PDGFD: variants seen among roughly 807,000 people sequenced by gnomAD.
The protein encoded by PDGFD is platelet derived growth factor D, also known as platelet-derived growth factor D.
A neutral mutation model predicts 44.7 loss-of-function variants in PDGFD; 30 were observed. The observed-to-expected ratio is 0.67, with a 90% confidence interval of 0.50 to 0.91. The LOEUF is 0.91. Among genes scored for constraint, PDGFD ranks in the 40% least tolerant of loss-of-function variants. PDGFD has a pLI of 0.00. For missense variants in PDGFD, 445 were observed against 457.8 expected (o/e 0.97, Z 0.25); for synonymous variants, 173 against 168.4 (o/e 1.03, Z -0.21).
chr11:104,141,629 G>A (rs1338762460), intron 1 of PDGFD, among the ~76,000 whole-genome samples: 2 of 152,264 alleles, frequency 1.3e-5, no homozygotes, highest in South Asian at 2.1e-4. Flanking sequence ...TCAAGGTCTT[G>A]TGAGGAAGAG....
chr11:104,010,749 A>G (rs1286706915), intron 1 of PDGFD, among the ~76,000 whole-genome samples: 1 of 152,072 alleles, frequency 6.6e-6, no homozygotes, highest in East Asian at 1.9e-4. Context: ...TTGTGTTGCG[A>G]TATTGCCACT....
At chr11:104,009,528 A>C (rs902005346) in intron 1 of PDGFD, among the ~76,000 whole-genome samples, 1 of 151,960 alleles carries the variant, frequency 6.6e-6, no homozygotes, top group Non-Finnish European at 1.5e-5. Flanking sequence ...AAGTGTCCTA[A>C]GATGCAAAAC....
intron 1 of PDGFD, among the ~76,000 whole-genome samples, chr11:104,161,977 G>A (rs1034519083): frequency 7.4e-4 from 113 of 151,742 alleles, no homozygotes; most frequent in African/African-American, 2.6e-3. Flanking sequence ...GTGTGTGTGT[G>A]TGTACTGTTA....
At chr11:103,954,450 G>A (rs1022681586) in intron 3 of PDGFD, among the ~76,000 whole-genome samples, 1 of 152,312 alleles carries the variant, frequency 6.6e-6, no homozygotes, top group South Asian at 2.1e-4. Flanking sequence ...CACGGAGGGT[G>A]GCTGTTCATT....
intron 5 of PDGFD, among the ~76,000 whole-genome samples, chr11:103,932,452 T>A (rs1858418628): frequency 6.6e-6 from 1 of 152,212 alleles, no homozygotes; most frequent in Non-Finnish European, 1.5e-5. Flanking sequence ...TTAACTATAT[T>A]TTCCAATTAC....
chr11:104,144,877 G>T (rs1280288613), intron 1 of PDGFD, among the ~76,000 whole-genome samples: 2 of 152,140 alleles, frequency 1.3e-5, no homozygotes, highest in Non-Finnish European at 2.9e-5. Context: ...GCCTTCCAGA[G>T]CTAAAATTTA....
At position 103,957,109 on chromosome 11, in the gene PDGFD, T is replaced by C. The variant is rs565967953; in HGVS notation, c.511-9385A>G. On this transcript the variant is annotated intron_variant, in intron 3 of 6. Coordinates refer to ENST00000393158, the MANE Select transcript of PDGFD (RefSeq NM_025208.5). ...TGGCTTTTGTTGCCATTGCTTTTGG[T>C]GTTTTAGACATGAAGTCCTTGCCCA... Among the ~76,000 whole-genome samples, 91 of 152,284 alleles carry C rather than the reference T, an allele frequency of 6.0e-4. 1 individual carries two copies. The Middle Eastern group carries it at 0.02, about 34-fold the overall frequency.
At chr11:104,094,039 A>T (rs548652576) in intron 1 of PDGFD, among the ~76,000 whole-genome samples, 103 of 151,830 alleles carry the variant, frequency 6.8e-4, no homozygotes, top group Middle Eastern at 6.8e-3. Context: ...CTCTTGCTTC[A>T]GCCTCCGCCA....
intron 1 of PDGFD, among the ~76,000 whole-genome samples, chr11:104,115,402 ATAAG>A (rs556188482): frequency 9.3e-5 from 14 of 151,234 alleles, no homozygotes; most frequent in Non-Finnish European, 1.6e-4. Context: ...AATATTATTA[ATAAG>A]TAATAGCATT....
At chr11:104,084,932 A>C (rs534213806) in intron 1 of PDGFD, among the ~76,000 whole-genome samples, 1 of 111,442 alleles carries the variant, frequency 9.0e-6, no homozygotes, top group Non-Finnish European at 1.7e-5. Flanking sequence ...TATGAATTAC[A>C]TATACATATA....
chr11:104,062,378 T>G (rs560375882), intron 1 of PDGFD, among the ~76,000 whole-genome samples: 7 of 152,344 alleles, frequency 4.6e-5, no homozygotes, highest in Non-Finnish European at 7.3e-5. Flanking sequence ...ATCTGGCTCT[T>G]CCTATCTTTC....
chr11:103,925,682 T>C (rs1858298263), intron 6 of PDGFD, among the ~76,000 whole-genome samples: 1 of 28,478 alleles, frequency 3.5e-5, no homozygotes, highest in Non-Finnish European at 5.8e-5. Flanking sequence ...TGTCTGTGTA[T>C]ATATATATAT....
intron 6 of PDGFD, among the ~76,000 whole-genome samples, chr11:103,917,640 GA>G (rs1351306906): frequency 6.6e-6 from 1 of 151,826 alleles, no homozygotes; most frequent in Non-Finnish European, 1.5e-5. Context: ...TCACATGGTG[GA>G]AAAGGTATCA....
At chr11:103,940,530 A>T (rs1174009910) in intron 5 of PDGFD, among the ~76,000 whole-genome samples, 1 of 152,128 alleles carries the variant, frequency 6.6e-6, no homozygotes, top group Admixed American at 6.6e-5. Context: ...GACTTCCATT[A>T]TCCATCGCTA....
chr11:103,907,243 G>A lies in PDGFD; in HGVS notation c.*2451C>T, dbSNP rs749168596. 2 of 151,592 alleles carry A rather than the reference G, an allele frequency of 1.3e-5. No individual in the cohort carries two copies. Among genetic ancestry groups the A allele is most frequent in the Non-Finnish European group, 2.9e-5 (2 of 67,962 alleles). The allele number at this position is 151,592 out of a possible 1,614,324, so 9.4% of individuals were successfully genotyped here. A position where few individuals can be genotyped will look rare whatever the true frequency, so the allele number is the denominator to read the frequency against. ...TGAAGATAAGAGGCATATTACATTC[G>A]CTATAGAAAATGCTATGAGAGGAAA... On this transcript the variant is annotated 3_prime_UTR_variant, in exon 7 of 7. Transcript: ENST00000393158.
chr11:103,939,676 T>C (rs777281182), intron 5 of PDGFD, among the ~76,000 whole-genome samples: 2 of 152,166 alleles, frequency 1.3e-5, no homozygotes. Context: ...AACACCCATA[T>C]AATTTCACTT....
chr11:104,014,452 C>T (rs1019595309), intron 1 of PDGFD, among the ~76,000 whole-genome samples: 2 of 152,162 alleles, frequency 1.3e-5, no homozygotes, highest in South Asian at 4.1e-4. Context: ...GCTATGACTA[C>T]ACCACTGCAC....
chr11:104,048,553 A>G (rs1476175022), intron 1 of PDGFD, among the ~76,000 whole-genome samples: 1 of 152,194 alleles, frequency 6.6e-6, no homozygotes, highest in Non-Finnish European at 1.5e-5. Flanking sequence ...CCCTATGGAC[A>G]GCTAGAGCAG....
intron 3 of PDGFD, among the ~76,000 whole-genome samples, chr11:103,952,065 G>A (rs1858767399): frequency 6.6e-6 from 1 of 152,138 alleles, no homozygotes; most frequent in Non-Finnish European, 1.5e-5. Flanking sequence ...TACAGCCAGT[G>A]TCCATTCTGA....
Sources: gnomAD v4.1 joint callset for allele counts (sites outside exome capture counted in the v4.1 genomes callset) on GRCh38, gnomAD v4.1.1 for gene constraint, MANE v1.5 for transcripts, NCBI Gene and HGNC (gene_info 2026-07-23, HGNC 2026-07-21) for gene names.